Variants in SPAG16 observed in about 807,000 individuals in gnomAD.
The protein encoded by SPAG16 is sperm-associated antigen 16 protein.
In SPAG16, 86 loss-of-function variants were observed where a neutral mutation model predicts 80.4. The ratio of observed to expected loss-of-function variants is 1.07; its 90% confidence interval spans 0.90 to 1.28. SPAG16 has a LOEUF of 1.28. Among genes scored for constraint, SPAG16 ranks in the 50% most tolerant of loss-of-function variants. The pLI is 0.00. For missense variants in SPAG16, 870 were observed against 765.3 expected, an observed-to-expected ratio of 1.14 and a Z score of -1.61; for synonymous variants, 294 against 265.9, an observed-to-expected ratio of 1.11 and a Z score of -1.03.
At chr2:213,596,769 A>G (rs2060897007) in intron 10 of SPAG16, among the ~76,000 whole-genome samples, 1 of 152,170 alleles carries the variant, frequency 6.6e-6, no homozygotes, top group African/African-American at 2.4e-5. Context: ...GAGACAATGT[A>G]GCTGGCTATC....
At chr2:214,172,660 C>T (rs980828305) in intron 15 of SPAG16, among the ~76,000 whole-genome samples, 2 of 151,878 alleles carry the variant, frequency 1.3e-5, no homozygotes, top group African/African-American at 4.8e-5. Context: ...GTTCTAGATC[C>T]CTGAGGAATC....
At chr2:214,145,282 C>T (rs2055582717) in intron 14 of SPAG16, among the ~76,000 whole-genome samples, 1 of 152,076 alleles carries the variant, frequency 6.6e-6, no homozygotes, top group African/African-American at 2.4e-5. Context: ...ACAGTTGCCT[C>T]AAGCAGTTTT....
At chr2:213,931,101 C>G (rs1427730956) in intron 12 of SPAG16, among the ~76,000 whole-genome samples, 1 of 151,048 alleles carries the variant, frequency 6.6e-6, no homozygotes, top group Non-Finnish European at 1.5e-5. Flanking sequence ...ATGTTCTTTT[C>G]CCTTTTTTAG....
intron 8 of SPAG16, among the ~76,000 whole-genome samples, chr2:213,369,247 C>T (rs1575396705): frequency 6.6e-6 from 1 of 151,948 alleles, no homozygotes; most frequent in South Asian, 2.1e-4. Flanking sequence ...AGTATATTTG[C>T]CAGAAGGAAA....
chr2:213,496,109 G>C (rs769033695), intron 10 of SPAG16, among the ~76,000 whole-genome samples: 1 of 152,104 alleles, frequency 6.6e-6, no homozygotes, highest in Non-Finnish European at 1.5e-5. Flanking sequence ...CTGTTATAGG[G>C]GTCAAGAATA....
chr2:214,285,782 G>A (rs917778563), intron 15 of SPAG16, among the ~76,000 whole-genome samples: 22 of 152,046 alleles, frequency 1.4e-4, no homozygotes, highest in Admixed American at 3.9e-4. Context: ...CAGCCCTGGC[G>A]ATAATGCAAG....
At chr2:213,657,047 T>C (rs936037259) in intron 10 of SPAG16, among the ~76,000 whole-genome samples, 1 of 152,216 alleles carries the variant, frequency 6.6e-6, no homozygotes, top group Non-Finnish European at 1.5e-5. Context: ...TTTCCAAGTA[T>C]TCAACATGAT....
At chr2:213,878,119 T>A (rs1273768794) in intron 11 of SPAG16, among the ~76,000 whole-genome samples, 1 of 152,204 alleles carries the variant, frequency 6.6e-6, no homozygotes, top group Non-Finnish European at 1.5e-5. Context: ...GTGTTCTTAC[T>A]CATTTTGAAT....
At chr2:213,550,073 T>G (rs2076737920) in intron 10 of SPAG16, among the ~76,000 whole-genome samples, 1 of 152,122 alleles carries the variant, frequency 6.6e-6, no homozygotes, top group South Asian at 2.1e-4. Context: ...ATCAATACCT[T>G]TATGAGTTTG....
chr2:213,874,388 T>C (rs558557578), intron 11 of SPAG16, among the ~76,000 whole-genome samples: 1 of 152,304 alleles, frequency 6.6e-6, no homozygotes, highest in East Asian at 1.9e-4. Flanking sequence ...TTGTGCTTTT[T>C]CTATAAATTT....
chr2:213,701,026 G>C (rs1190410136), intron 10 of SPAG16, among the ~76,000 whole-genome samples: 1 of 152,096 alleles, frequency 6.6e-6, no homozygotes, highest in Non-Finnish European at 1.5e-5. Context: ...CGGATCACTA[G>C]GTCAGGAGTT....
At chr2:213,673,292 G>A (rs1052106679) in intron 10 of SPAG16, among the ~76,000 whole-genome samples, 1 of 151,960 alleles carries the variant, frequency 6.6e-6, no homozygotes, top group Non-Finnish European at 1.5e-5. Flanking sequence ...TCTAAAAAAT[G>A]GTTTATAAAA....
chr2:214,183,596 C>T (rs1307494817), intron 15 of SPAG16, among the ~76,000 whole-genome samples: 2 of 152,080 alleles, frequency 1.3e-5, no homozygotes, highest in Admixed American at 1.3e-4. Context: ...TTGTTTATAC[C>T]TAATTGGCTT....
chr2:213,487,059 G>A (rs2074012551), intron 9 of SPAG16, among the ~76,000 whole-genome samples: 1 of 152,102 alleles, frequency 6.6e-6, no homozygotes, highest in African/African-American at 2.4e-5. Context: ...TTGTTAAATA[G>A]CTTGCCTAAG....
rs141402376 is a variant in SPAG16, at chr2:214,130,875, A to C, written c.1594-18265A>C. Among the ~76,000 whole-genome samples, 993 of 152,252 alleles carry C rather than the reference A, an allele frequency of 6.5e-3. 11 individuals are homozygous for C. Among genetic ancestry groups the C allele is most frequent in the African/African-American group, 0.022 (926 of 41,564 alleles). On this transcript the variant is annotated intron_variant, in intron 14 of 15. Transcript: ENST00000331683. Reference sequence around the variant, plus strand: ...TTCATATGCCATGTAAGGAACTTCCATTTCTCCTTGAATAAAACGTTAGTT... The same window carrying C: ...TTCATATGCCATGTAAGGAACTTCCCTTTCTCCTTGAATAAAACGTTAGTT...
intron 10 of SPAG16, among the ~76,000 whole-genome samples, chr2:213,605,145 A>G (rs891565230): frequency 6.6e-6 from 1 of 152,092 alleles, no homozygotes; most frequent in Admixed American, 6.6e-5. Context: ...TCTTGTACCC[A>G]TCAAGAATTA....
intron 12 of SPAG16, among the ~76,000 whole-genome samples, chr2:213,982,202 T>G (rs2045784050): frequency 6.6e-6 from 1 of 152,078 alleles, no homozygotes; most frequent in African/African-American, 2.4e-5. Context: ...GTTAGTAAAT[T>G]ATTTTACAAC....
At chr2:213,463,645 T>C (rs930510661) in intron 9 of SPAG16, among the ~76,000 whole-genome samples, 2 of 152,190 alleles carry the variant, frequency 1.3e-5, no homozygotes, top group African/African-American at 4.8e-5. Flanking sequence ...AAGTCAAGAA[T>C]TGTAGTTTGT....
At chr2:213,434,163 A>G (rs1575581339) in intron 9 of SPAG16, among the ~76,000 whole-genome samples, 1 of 151,888 alleles carries the variant, frequency 6.6e-6, no homozygotes, top group Admixed American at 6.6e-5. Context: ...CAGGTGATCC[A>G]CCTGCCTCGG....
Sources: gnomAD v4.1 joint callset for allele counts (sites outside exome capture counted in the v4.1 genomes callset) on GRCh38, gnomAD v4.1.1 for gene constraint, MANE v1.5 for transcripts, NCBI Gene and HGNC (gene_info 2026-07-23, HGNC 2026-07-21) for gene names.